The following SAMD5 variants were observed in gnomAD, a reference collection of about 807,000 sequenced individuals.
The protein encoded by SAMD5 is sterile alpha motif domain containing 5.
SAMD5 carries 13 observed loss-of-function variants against 11.3 expected under a neutral mutation model. That is an observed-to-expected ratio of 1.15 (90% CI 0.75 to 1.83). The LOEUF (loss-of-function observed/expected upper bound fraction) is 1.83, where lower values mean the gene tolerates loss of function less well. Among genes scored for constraint, SAMD5 ranks in the 40% most tolerant of loss-of-function variants. SAMD5 has a pLI of 0.00. For missense variants in SAMD5, 255 were observed against 239.1 expected (o/e 1.07, Z -0.44); for synonymous variants, 129 against 111.3 (o/e 1.16, Z -1.00).
intron 1 of SAMD5, among the ~76,000 whole-genome samples, chr6:147,613,220 C>T (rs796343357): frequency 6.6e-6 from 1 of 150,892 alleles, no homozygotes; most frequent in African/African-American, 2.5e-5. Flanking sequence ...TCATCTGCTC[C>T]CCTGCCTTCC....
At chr6:147,780,627 A>G in the SAMD5 span, among the ~76,000 whole-genome samples, 2 of 152,218 alleles carry the variant, frequency 1.3e-5, no homozygotes, top group African/African-American at 4.8e-5. Flanking sequence ...TGTTTGAGGA[A>G]TTATTGATTT....
intron 1 of SAMD5, among the ~76,000 whole-genome samples, chr6:147,686,606 G>T (rs949377404): frequency 1.3e-5 from 2 of 151,942 alleles, no homozygotes; most frequent in African/African-American, 2.4e-5. Flanking sequence ...TCTGTTTCTG[G>T]TTCCTTTATA....
chr6:147,890,444 C>T, the SAMD5 span, among the ~76,000 whole-genome samples: 640 of 151,530 alleles, frequency 4.2e-3, 36 homozygotes, highest in East Asian at 0.11. Flanking sequence ...TTGCAACCTC[C>T]GCTGCCTGGA....
the SAMD5 span, among the ~76,000 whole-genome samples, chr6:147,859,706 T>G: frequency 2.6e-5 from 4 of 152,302 alleles, no homozygotes; most frequent in Admixed American, 2.6e-4. Flanking sequence ...TTAGGTTGCA[T>G]GTAACCTAAT....
chr6:147,685,209 T>G (rs1339915861), intron 1 of SAMD5, among the ~76,000 whole-genome samples: 1 of 152,226 alleles, frequency 6.6e-6, no homozygotes, highest in African/African-American at 2.4e-5. Flanking sequence ...TTTCTTTTTC[T>G]GTTTTGAGAT....
At chr6:147,556,317 C>T (rs564739678) in intron 1 of SAMD5, among the ~76,000 whole-genome samples, 8 of 152,334 alleles carry the variant, frequency 5.3e-5, no homozygotes, top group Admixed American at 3.3e-4. Flanking sequence ...TGGTCTCGAT[C>T]TCCTGACCTC....
downstream of SAMD5, among the ~76,000 whole-genome samples, chr6:147,741,150 A>G (rs1005564524): frequency 6.6e-6 from 1 of 152,194 alleles, no homozygotes; most frequent in East Asian, 1.9e-4. Flanking sequence ...ACATATGGAC[A>G]TTAGATCTAC....
chr6:147,690,197 A>C (rs1163813877), intron 1 of SAMD5, among the ~76,000 whole-genome samples: 1 of 152,218 alleles, frequency 6.6e-6, no homozygotes, highest in Admixed American at 6.5e-5. Context: ...CTAAATTATA[A>C]TTCTTCAACC....
At chr6:147,616,968 G>A (rs890908932) in intron 1 of SAMD5, among the ~76,000 whole-genome samples, 2 of 152,186 alleles carry the variant, frequency 1.3e-5, no homozygotes, top group African/African-American at 2.4e-5. Context: ...AGTTTGAGGC[G>A]AGATTTGGGT....
At chr6:147,540,907 C>T (rs1788590266) in intron 1 of SAMD5, among the ~76,000 whole-genome samples, 1 of 150,276 alleles carries the variant, frequency 6.7e-6, no homozygotes, top group African/African-American at 2.5e-5. Context: ...GCTCACCGCA[C>T]CATAGCTGTG....
the SAMD5 span, among the ~76,000 whole-genome samples, chr6:147,912,570 A>C: frequency 2.0e-5 from 3 of 152,206 alleles, no homozygotes; most frequent in East Asian, 5.8e-4. Context: ...ACCTTTTAGG[A>C]GTTCACCCTG....
chr6:147,536,890 T>C (rs1418713373), intron 1 of SAMD5, among the ~76,000 whole-genome samples: 1 of 152,166 alleles, frequency 6.6e-6, no homozygotes, highest in African/African-American at 2.4e-5. Flanking sequence ...TCTAATGTTA[T>C]AATTTTCCAA....
chr6:147,756,015 G>A, the SAMD5 span, among the ~76,000 whole-genome samples: 1 of 151,896 alleles, frequency 6.6e-6, no homozygotes, highest in African/African-American at 2.4e-5. Context: ...ACGTTTTTTA[G>A]TATTCTCAAA....
chr6:147,680,923 CTG>C (rs1790931826), intron 1 of SAMD5, among the ~76,000 whole-genome samples: 1 of 152,084 alleles, frequency 6.6e-6, no homozygotes, highest in Non-Finnish European at 1.5e-5. Flanking sequence ...AGTTTTGCAT[CTG>C]TGTTCTTGAA....
intron 1 of SAMD5, among the ~76,000 whole-genome samples, chr6:147,663,717 G>C (rs1354018342): frequency 1.3e-5 from 2 of 149,626 alleles, no homozygotes; most frequent in African/African-American, 2.5e-5. Context: ...ACTTGAACCC[G>C]GGGGGCAGAG....
chr6:147,791,734 T>C, the SAMD5 span, among the ~76,000 whole-genome samples: 4 of 152,246 alleles, frequency 2.6e-5, no homozygotes, highest in African/African-American at 9.6e-5. Flanking sequence ...ATTTTTGAGA[T>C]TTTGATCTTT....
the SAMD5 span, among the ~76,000 whole-genome samples, chr6:147,892,535 G>A: frequency 6.6e-6 from 1 of 152,254 alleles, no homozygotes; most frequent in Admixed American, 6.5e-5. Context: ...ACATCTAAGT[G>A]TTACATCTCT....
At chr6:147,553,026 T>A (rs926313271) in intron 1 of SAMD5, among the ~76,000 whole-genome samples, 3 of 152,222 alleles carry the variant, frequency 2.0e-5, no homozygotes, top group Non-Finnish European at 4.4e-5. Context: ...ACTCAGTGAT[T>A]GAACTAAGAT....
intron 1 of SAMD5, among the ~76,000 whole-genome samples, chr6:147,520,838 A>G (rs1319571282): frequency 6.6e-6 from 1 of 152,182 alleles, no homozygotes; most frequent in Non-Finnish European, 1.5e-5. Context: ...TAGCTTATCC[A>G]TTACCTCACA....
Sources: allele counts gnomAD v4.1 joint callset (sites outside exome capture counted in the v4.1 genomes callset), GRCh38; gene constraint gnomAD v4.1.1; transcripts MANE v1.5; gene names NCBI Gene and HGNC (gene_info 2026-07-23, HGNC 2026-07-21).